OSBPL9: variants seen among roughly 807,000 people sequenced by gnomAD.
The protein encoded by OSBPL9 is oxysterol binding protein like 9.
OSBPL9 carries 40 observed loss-of-function variants against 106.6 expected under a neutral mutation model. The ratio of observed to expected loss-of-function variants is 0.38; its 90% CI spans 0.29 to 0.49. The LOEUF is 0.49. Among genes scored for constraint, OSBPL9 ranks in the 20% least tolerant of loss-of-function variants. The pLI, the probability that OSBPL9 is intolerant of heterozygous loss-of-function variation, is 0.97. For missense variants in OSBPL9, 609 were observed against 887.2 expected (o/e 0.69, Z 3.98); for synonymous variants, 269 against 295.4 (o/e 0.91, Z 0.92).
intron 2 of OSBPL9, among the ~76,000 whole-genome samples, chr1:51,662,671 A>G (rs1368711896): frequency 1.3e-5 from 2 of 152,162 alleles, no homozygotes; most frequent in Admixed American, 1.3e-4. Context: ...ATCTATAGAT[A>G]TAACTATTAG....
intron 3 of OSBPL9, among the ~76,000 whole-genome samples, chr1:51,690,249 T>A (rs1401889302): frequency 6.6e-6 from 1 of 152,222 alleles, no homozygotes; most frequent in Non-Finnish European, 1.5e-5. Flanking sequence ...AGTAATAATT[T>A]AACTAAGAAG....
intron 12 of OSBPL9, among the ~76,000 whole-genome samples, chr1:51,769,427 C>G (rs1673343509): frequency 6.6e-6 from 1 of 152,182 alleles, no homozygotes; most frequent in African/African-American, 2.4e-5. Flanking sequence ...AATGGCTCCA[C>G]TACTCACCAG....
chr1:51,639,443 A>G (rs1358632927), intron 1 of OSBPL9, among the ~76,000 whole-genome samples: 1 of 152,220 alleles, frequency 6.6e-6, no homozygotes, highest in Non-Finnish European at 1.5e-5. Context: ...GTCCACGTTC[A>G]TTGTCCCCAG....
At chr1:51,519,001 G>C in the OSBPL9 span, among the ~76,000 whole-genome samples, 2 of 151,416 alleles carry the variant, frequency 1.3e-5, no homozygotes, top group Middle Eastern at 3.4e-3. Context: ...GCGAGGTCGC[G>C]GCGGCCGCAG....
chr1:51,740,174 C>T, intron 4 of OSBPL9: 1 of 1,546,092 alleles, frequency 6.5e-7, no homozygotes, highest in Non-Finnish European at 8.7e-7. Flanking sequence ...TTCCAGTCTT[C>T]TGGTATCTCT....
intron 3 of OSBPL9, among the ~76,000 whole-genome samples, chr1:51,708,450 A>G (rs1209790574): frequency 6.6e-6 from 1 of 152,060 alleles, no homozygotes; most frequent in Non-Finnish European, 1.5e-5. Flanking sequence ...AGCATTCTGT[A>G]TATGTTCATT....
At chr1:51,629,117 C>T (rs1035790335) in intron 1 of OSBPL9, among the ~76,000 whole-genome samples, 46 of 152,236 alleles carry the variant, frequency 3.0e-4, no homozygotes, top group African/African-American at 1.1e-3. Flanking sequence ...TACAGGTTTT[C>T]ATTCATATGT....
upstream of OSBPL9, chr1:51,616,793 G>C (rs1644068881): frequency 4.2e-6 from 1 of 239,068 alleles, no homozygotes; most frequent in African/African-American, 2.3e-5. Flanking sequence ...GAAATCTTTT[G>C]GAAGTGGAAG....
At chr1:51,528,998 T>A in the OSBPL9 span, among the ~76,000 whole-genome samples, 1 of 152,112 alleles carries the variant, frequency 6.6e-6, no homozygotes, top group Non-Finnish European at 1.5e-5. Flanking sequence ...TGAAAGAAAG[T>A]AAAGAAGACC....
chr1:51,650,419 A>G (rs1259035020), intron 1 of OSBPL9, among the ~76,000 whole-genome samples: 3 of 152,316 alleles, frequency 2.0e-5, no homozygotes, highest in East Asian at 1.9e-4. Context: ...GAAGATAAGT[A>G]TAGGGTACAG....
intron 3 of OSBPL9, among the ~76,000 whole-genome samples, chr1:51,670,300 G>A (rs1265315280): frequency 6.6e-6 from 1 of 151,992 alleles, no homozygotes; most frequent in Non-Finnish European, 1.5e-5. Context: ...TTTATGTTTC[G>A]AGCAGTTCAA....
intron 1 of OSBPL9, among the ~76,000 whole-genome samples, chr1:51,620,768 C>A (rs1644377606): frequency 6.6e-6 from 1 of 152,076 alleles, no homozygotes; most frequent in South Asian, 2.1e-4. Flanking sequence ...TGAACTTTAT[C>A]CCCAGGGCAG....
the OSBPL9 span, among the ~76,000 whole-genome samples, chr1:51,518,884 C>T: frequency 6.6e-6 from 1 of 151,642 alleles, no homozygotes; most frequent in South Asian, 2.1e-4. Flanking sequence ...CCCGCGGGAG[C>T]CGGCCCGGCA....
At chr1:51,769,531 A>T (rs1411889024) in intron 12 of OSBPL9, among the ~76,000 whole-genome samples, 1 of 152,216 alleles carries the variant, frequency 6.6e-6, no homozygotes, top group East Asian at 1.9e-4. Context: ...AGATATAGAC[A>T]TACCGTGTAT....
intron 7 of OSBPL9, among the ~76,000 whole-genome samples, chr1:51,748,840 C>G (rs11806121): frequency 0.12 from 18,750 of 152,078 alleles, 1,272 homozygotes; most frequent in Middle Eastern, 0.22. Flanking sequence ...AATCCCAGCA[C>G]TTTGGGAGGC....
intron 2 of OSBPL9, among the ~76,000 whole-genome samples, chr1:51,601,078 T>A (rs1645323685): frequency 6.6e-6 from 1 of 152,154 alleles, no homozygotes; most frequent in African/African-American, 2.4e-5. Flanking sequence ...AACACTGTCA[T>A]TAGCAGTGTA....
At chr1:51,775,281 A>G (rs937782347) in intron 14 of OSBPL9, among the ~76,000 whole-genome samples, 39 of 151,670 alleles carry the variant, frequency 2.6e-4, no homozygotes, top group African/African-American at 8.7e-4. Context: ...TTATATGTCC[A>G]GCCACACTGG....
At chr1:51,542,913 T>C in the OSBPL9 span, among the ~76,000 whole-genome samples, 1 of 152,222 alleles carries the variant, frequency 6.6e-6, no homozygotes, top group Admixed American at 6.5e-5. Context: ...CATGGGATTA[T>C]TGTAGGTTTA....
At chr1:51,587,019 G>A (rs1645250946) in intron 1 of OSBPL9, among the ~76,000 whole-genome samples, 1 of 152,076 alleles carries the variant, frequency 6.6e-6, no homozygotes, top group Non-Finnish European at 1.5e-5. Flanking sequence ...TCTACTCCAG[G>A]TTAGCCATTT....
Sources: gnomAD v4.1 joint callset for allele counts (sites outside exome capture counted in the v4.1 genomes callset) on GRCh38, gnomAD v4.1.1 for gene constraint, MANE v1.5 for transcripts, NCBI Gene and HGNC (gene_info 2026-07-23, HGNC 2026-07-21) for gene names.